Variants in ELMO1 observed in about 807,000 individuals in gnomAD.
The protein encoded by ELMO1 is engulfment and cell motility protein 1.
A neutral mutation model predicts 98.9 loss-of-function variants in ELMO1; 26 were observed. The observed-to-expected ratio is 0.26, with a 90% CI of 0.19 to 0.36. The LOEUF (loss-of-function observed/expected upper bound fraction) is 0.36, where lower values mean the gene tolerates loss of function less well. Among genes scored for constraint, ELMO1 ranks in the 10% least tolerant of loss-of-function variants. The pLI is 1.00. For synonymous variants in ELMO1, 346 were observed against 346.0 expected, an observed-to-expected ratio of 1.00 and a Z score of 0.00; for missense variants, 627 against 935.2, an observed-to-expected ratio of 0.67 and a Z score of 4.30.
chr7:37,250,489 G>A (rs553271494), intron 6 of ELMO1, among the ~76,000 whole-genome samples: 219 of 152,042 alleles, frequency 1.4e-3, no homozygotes, highest in African/African-American at 4.8e-3. Context: ...CTTTTCAAAC[G>A]ACAGATAATT....
chr7:36,891,720 C>T (rs1197933085), intron 17 of ELMO1, among the ~76,000 whole-genome samples: 1 of 152,190 alleles, frequency 6.6e-6, no homozygotes, highest in Non-Finnish European at 1.5e-5. Flanking sequence ...TTTTTGATAT[C>T]TTCATTTTTA....
At chr7:37,020,550 A>C (rs1166131997) in intron 15 of ELMO1, among the ~76,000 whole-genome samples, 1 of 152,196 alleles carries the variant, frequency 6.6e-6, no homozygotes, top group Non-Finnish European at 1.5e-5. Context: ...TAGAATGATA[A>C]GACGACGGGA....
intron 15 of ELMO1, among the ~76,000 whole-genome samples, chr7:37,091,617 G>C (rs1388018126): frequency 6.6e-6 from 1 of 151,986 alleles, no homozygotes; most frequent in East Asian, 1.9e-4. Context: ...GCACACACAG[G>C]GTCAGTGTGC....
intron 21 of ELMO1, 55 bp downstream of exon 21, chr7:36,861,602 ATT>A: frequency 6.4e-7 from 1 of 1,560,016 alleles, no homozygotes; most frequent in Non-Finnish European, 8.7e-7. Flanking sequence ...TTCTTTCTAT[ATT>A]TTTCTTGAGA....
chr7:37,133,292 C>T (rs531418738), intron 13 of ELMO1, 58 bp from the exon 14 acceptor site: 390 of 1,359,408 alleles, frequency 2.9e-4, no homozygotes, highest in Non-Finnish European at 3.9e-4. Context: ...TACCAACCAC[C>T]AGAGATCTGA....
chr7:37,186,293 T>C (rs1204377468), intron 13 of ELMO1, among the ~76,000 whole-genome samples: 1 of 152,120 alleles, frequency 6.6e-6, no homozygotes, highest in Non-Finnish European at 1.5e-5. Context: ...CCTTATGCCA[T>C]ACACAATTAA....
At chr7:37,037,406 T>C (rs746869907) in intron 15 of ELMO1, among the ~76,000 whole-genome samples, 25 of 152,180 alleles carry the variant, frequency 1.6e-4, no homozygotes, top group Non-Finnish European at 2.6e-4. Flanking sequence ...TTTACTGGGT[T>C]CCAGCCAACT....
intron 13 of ELMO1, among the ~76,000 whole-genome samples, chr7:37,193,312 T>C (rs892925705): frequency 2.0e-5 from 3 of 152,140 alleles, no homozygotes; most frequent in Non-Finnish European, 4.4e-5. Context: ...CGCACAGTGA[T>C]TGTATCCAAC....
chr7:37,413,960 T>C (rs956359748), intron 1 of ELMO1, among the ~76,000 whole-genome samples: 1 of 152,076 alleles, frequency 6.6e-6, no homozygotes. Context: ...TTAGGGATGT[T>C]AGCCACCACA....
chr7:36,968,124 T>A (rs1789605481), intron 16 of ELMO1, among the ~76,000 whole-genome samples: 1 of 152,194 alleles, frequency 6.6e-6, no homozygotes, highest in Non-Finnish European at 1.5e-5. Flanking sequence ...CTTCCAGAAT[T>A]ATTTTTAAGT....
chr7:37,212,395 T>C (rs1427111655), intron 12 of ELMO1, among the ~76,000 whole-genome samples: 2 of 152,194 alleles, frequency 1.3e-5, no homozygotes, highest in African/African-American at 2.4e-5. Context: ...CTGTTATACA[T>C]ATCCCACCAC....
intron 17 of ELMO1, 47 bp from the exon 18 acceptor site, chr7:36,887,719 A>T (rs1805153715): frequency 6.3e-7 from 1 of 1,589,768 alleles, no homozygotes; most frequent in Non-Finnish European, 8.6e-7. Flanking sequence ...TGAGAAACAG[A>T]GTGTGGCTTG....
intron 14 of ELMO1, among the ~76,000 whole-genome samples, chr7:37,126,716 T>A (rs1027053358): frequency 6.6e-6 from 1 of 152,186 alleles, no homozygotes; most frequent in African/African-American, 2.4e-5. Context: ...CCATGTCAGG[T>A]ATTTCAGAAT....
intron 2 of ELMO1, among the ~76,000 whole-genome samples, chr7:37,328,968 T>C (rs927000927): frequency 6.6e-6 from 1 of 152,250 alleles, no homozygotes; most frequent in Non-Finnish European, 1.5e-5. Context: ...ATCTTCCCTC[T>C]CTCCTTCATA....
At chr7:37,161,025 T>C (rs892169817) in intron 13 of ELMO1, among the ~76,000 whole-genome samples, 3 of 152,168 alleles carry the variant, frequency 2.0e-5, no homozygotes, top group African/African-American at 4.8e-5. Flanking sequence ...ATAGTATTAC[T>C]CTCTCACTGG....
At chr7:37,393,860 A>G (rs1357202433) in intron 1 of ELMO1, 2 of 152,164 alleles carry the variant, frequency 1.3e-5, no homozygotes, top group Non-Finnish European at 2.9e-5. Flanking sequence ...GGCCTTGGGC[A>G]TATCTTGATC....
At chr7:37,196,321 T>C (rs1791961669) in intron 13 of ELMO1, among the ~76,000 whole-genome samples, 1 of 152,228 alleles carries the variant, frequency 6.6e-6, no homozygotes, top group Admixed American at 6.5e-5. Flanking sequence ...TGCCACTTGC[T>C]TGCTGTGAGC....
intron 16 of ELMO1, among the ~76,000 whole-genome samples, chr7:36,908,330 G>T (rs986574362): frequency 6.6e-6 from 1 of 152,026 alleles, no homozygotes; most frequent in Non-Finnish European, 1.5e-5. Context: ...CAATGATTTT[G>T]TAACTAGAAA....
intron 15 of ELMO1, among the ~76,000 whole-genome samples, chr7:37,035,239 C>T (rs968591052): frequency 1.1e-4 from 16 of 152,350 alleles, no homozygotes; most frequent in African/African-American, 3.6e-4. Context: ...ATTAGCTAGA[C>T]AATTTTAAAG....
Sources: allele counts gnomAD v4.1 joint callset (sites outside exome capture counted in the v4.1 genomes callset), GRCh38; gene constraint gnomAD v4.1.1; transcripts MANE v1.5; gene names NCBI Gene and HGNC (gene_info 2026-07-23, HGNC 2026-07-21).